BCKDHB: variants seen among roughly 807,000 people sequenced by gnomAD.
BCKDHB encodes 2-oxoisovalerate dehydrogenase subunit beta, mitochondrial.
BCKDHB carries 41 observed loss-of-function variants against 48.5 expected under a neutral mutation model. The observed-to-expected ratio is 0.85, with a 90% CI of 0.66 to 1.10. BCKDHB has a LOEUF of 1.10. Ranked by LOEUF, BCKDHB falls within the 50% of genes least tolerant of loss-of-function variation. The probability of loss-of-function intolerance (pLI) is 0.00; values close to 1 mark genes in which losing one functional copy is unlikely to be tolerated. For synonymous variants in BCKDHB, 201 were observed against 174.8 expected, an observed-to-expected ratio of 1.15 and a Z score of -1.18; for missense variants, 496 against 494.2, an observed-to-expected ratio of 1.00 and a Z score of -0.03.
At chr6:80,446,565 G>A in the BCKDHB span, among the ~76,000 whole-genome samples, 4 of 152,212 alleles carry the variant, frequency 2.6e-5, no homozygotes, top group East Asian at 7.7e-4. Flanking sequence ...AGTCTCAGAA[G>A]GCCCATTACC....
intron 3 of BCKDHB, among the ~76,000 whole-genome samples, chr6:80,154,156 A>C (rs1288769978): frequency 6.6e-6 from 1 of 152,138 alleles, no homozygotes; most frequent in East Asian, 1.9e-4. Context: ...CTCTAATAGC[A>C]TTTTATTTGT....
the BCKDHB span, among the ~76,000 whole-genome samples, chr6:80,439,389 C>T: frequency 1.3e-5 from 2 of 152,064 alleles, no homozygotes; most frequent in African/African-American, 4.8e-5. Flanking sequence ...ATTCAAAAGG[C>T]AATGTTTATA....
chr6:80,385,775 G>C, the BCKDHB span, among the ~76,000 whole-genome samples: 1 of 152,158 alleles, frequency 6.6e-6, no homozygotes. Flanking sequence ...CACTGGAAAA[G>C]AACCGAGTTT....
chr6:80,354,686 G>A, the BCKDHB span, among the ~76,000 whole-genome samples: 1 of 152,052 alleles, frequency 6.6e-6, no homozygotes, highest in Non-Finnish European at 1.5e-5. Context: ...GTTGATTTTT[G>A]TATACAGTGA....
At position 80,273,927 on chromosome 6, in the gene BCKDHB, T is replaced by G. The variant is rs1777860132; in HGVS notation, c.1038+706T>G. ...GTTTCATTCTTCCTAATTTTTAAAT[T>G]GAAAATTAAGTAGCCATATTTTAAA... is the stretch of plus-strand genomic sequence containing the variant. On this transcript the variant is annotated intron_variant, in intron 9 of 9. Coordinates refer to ENST00000320393, the MANE Select transcript of BCKDHB (RefSeq NM_183050.4). Among the ~76,000 whole-genome samples the G allele has an allele frequency of 3.3e-5, 5 of 152,144 alleles. No homozygotes were observed. In the South Asian group the frequency reaches 6.2e-4, roughly 19 times the overall value.
intron 8 of BCKDHB, among the ~76,000 whole-genome samples, chr6:80,242,436 G>C (rs1328687714): frequency 1.3e-5 from 2 of 152,060 alleles, no homozygotes; most frequent in Non-Finnish European, 2.9e-5. Context: ...CAAATCTCCC[G>C]AACTTGCTCT....
chr6:80,151,624 C>G (rs367669337), intron 3 of BCKDHB, among the ~76,000 whole-genome samples: 9 of 152,166 alleles, frequency 5.9e-5, no homozygotes, highest in African/African-American at 1.9e-4. Context: ...TTCTCTTGAG[C>G]TTTCTTTTAT....
the BCKDHB span, among the ~76,000 whole-genome samples, chr6:80,439,549 C>T: frequency 9.2e-5 from 14 of 152,238 alleles, no homozygotes; most frequent in Middle Eastern, 3.4e-3. Context: ...TGACTTAAAA[C>T]GAAGTTCCCA....
intron 1 of BCKDHB, among the ~76,000 whole-genome samples, chr6:80,107,487 G>A (rs1259672035): frequency 1.5e-5 from 2 of 134,972 alleles, no homozygotes; most frequent in Non-Finnish European, 3.1e-5. Context: ...ATATATATAC[G>A]CGCATATATA....
rs569965505 is a variant in BCKDHB at position 80,213,977 on chromosome 6, G to C, written c.951+10765G>C. On this transcript the variant is annotated intron_variant, in intron 8 of 9. Transcript: ENST00000320393. ...TGAGGGAGTGACAGTAGCTGGGAGG[G>C]AGGGCTCAGTGTTCTTAGATTTAGC... Among the ~76,000 whole-genome samples the C allele has an allele frequency of 3.2e-4, 48 of 152,214 alleles. No homozygotes were observed. The East Asian group carries it at 9.3e-3, about 29-fold the overall frequency.
At chr6:80,381,970 TA>T in the BCKDHB span, among the ~76,000 whole-genome samples, 3 of 152,170 alleles carry the variant, frequency 2.0e-5, no homozygotes, top group East Asian at 5.8e-4. Context: ...TCATTTGTTA[TA>T]TTTTTATTAA....
In BCKDHB at chr6:80,291,933, G is replaced by A. The variant is rs911492343; in HGVS notation, c.1038+18712G>A. On this transcript the variant is annotated intron_variant, in intron 9 of 9. Transcript: ENST00000320393. Reference sequence around the variant, plus strand: ...TTTCACATAAGCTGTTTTTAAATTGGCTTTGATGGAACTCTGTTCCATGAA... The same window carrying A: ...TTTCACATAAGCTGTTTTTAAATTGACTTTGATGGAACTCTGTTCCATGAA... Among the ~76,000 whole-genome samples, 6 of 152,118 alleles carry A rather than the reference G, an allele frequency of 3.9e-5. No individual in the cohort carries two copies. In the East Asian group the frequency reaches 1.2e-3, roughly 29 times the overall value.
Position 80,221,645 on chromosome 6 carries a change from C to T in BCKDHB, c.951+18433C>T, listed in dbSNP as rs543281765. Among the ~76,000 whole-genome samples, 68 of 151,812 alleles carry T rather than the reference C, an allele frequency of 4.5e-4. 1 individual carries two copies. Among genetic ancestry groups the T allele is most frequent in the Admixed American group, 1.1e-3 (17 of 15,248 alleles). ...CTTATTTTTTCTCATTTGTCTAGAA[C>T]GACTGAATGATGATGAATGAAAAAA... is the stretch of plus-strand genomic sequence containing the variant. On this transcript the variant is annotated intron_variant, in intron 8 of 9. Coordinates refer to ENST00000320393, the MANE Select transcript of BCKDHB (RefSeq NM_183050.4).
the BCKDHB span, among the ~76,000 whole-genome samples, chr6:80,423,481 A>G: frequency 3.3e-5 from 5 of 152,068 alleles, no homozygotes; most frequent in Non-Finnish European, 7.4e-5. Context: ...AACATCCTAT[A>G]TTGCTTTCTT....
chr6:80,231,463 T>C (rs1485793013), intron 8 of BCKDHB, among the ~76,000 whole-genome samples: 1 of 152,182 alleles, frequency 6.6e-6, no homozygotes, highest in East Asian at 1.9e-4. Context: ...AAAAGGGCTA[T>C]TTTCTTTACA....
chr6:80,107,709 C>T (rs905038151), intron 1 of BCKDHB, among the ~76,000 whole-genome samples: 1 of 151,640 alleles, frequency 6.6e-6, no homozygotes, highest in Non-Finnish European at 1.5e-5. Context: ...TAGTACTGAG[C>T]TTGTCCTGGG....
At chr6:80,334,490 A>C (rs1769473063) in intron 9 of BCKDHB, among the ~76,000 whole-genome samples, 1 of 152,042 alleles carries the variant, frequency 6.6e-6, no homozygotes, top group Non-Finnish European at 1.5e-5. Context: ...ATAGTATAGA[A>C]CATTTATTTC....
chr6:80,388,676 C>G, the BCKDHB span, among the ~76,000 whole-genome samples: 5 of 152,138 alleles, frequency 3.3e-5, no homozygotes, highest in Non-Finnish European at 7.3e-5. Context: ...CTCCTGCCAC[C>G]CTGCCTTCTC....
intron 1 of BCKDHB, among the ~76,000 whole-genome samples, chr6:80,113,026 A>G (rs1424309184): frequency 6.6e-6 from 1 of 152,248 alleles, no homozygotes; most frequent in African/African-American, 2.4e-5. Flanking sequence ...TTAGCAAGTC[A>G]GATAGAATAG....
Sources: gnomAD v4.1 joint callset for allele counts (sites outside exome capture counted in the v4.1 genomes callset) on GRCh38, gnomAD v4.1.1 for gene constraint, MANE v1.5 for transcripts, NCBI Gene and HGNC (gene_info 2026-07-23, HGNC 2026-07-21) for gene names.